RCAN2: variants seen among roughly 807,000 people sequenced by gnomAD.
RCAN2 encodes calcipressin-2.
A neutral mutation model predicts 23.6 loss-of-function variants in RCAN2; 9 were observed. The ratio of observed to expected loss-of-function variants is 0.38; its 90% confidence interval spans 0.23 to 0.67. The LOEUF (loss-of-function observed/expected upper bound fraction) is 0.67, where lower values mean the gene tolerates loss of function less well. RCAN2 is among the 30% of genes least tolerant of loss of function. RCAN2 has a pLI of 0.51. For missense variants in RCAN2, 273 were observed against 302.3 expected, an observed-to-expected ratio of 0.90 and a Z score of 0.72; for synonymous variants, 109 against 115.7, an observed-to-expected ratio of 0.94 and a Z score of 0.37.
intron 1 of RCAN2, among the ~76,000 whole-genome samples, chr6:46,482,393 G>T (rs1266653254): frequency 6.6e-6 from 1 of 152,062 alleles, no homozygotes. Flanking sequence ...ATGAAAACAG[G>T]CTAAAGGTAA....
chr6:46,293,445 C>T (rs1762630122), intron 2 of RCAN2, among the ~76,000 whole-genome samples: 2 of 152,148 alleles, frequency 1.3e-5, no homozygotes, highest in Admixed American at 1.3e-4. Flanking sequence ...GGTAGCCACA[C>T]ACTTTATATA....
At chr6:46,311,916 G>T (rs1763271483) in intron 2 of RCAN2, among the ~76,000 whole-genome samples, 1 of 152,120 alleles carries the variant, frequency 6.6e-6, no homozygotes, top group Non-Finnish European at 1.5e-5. Context: ...GGACCACACA[G>T]GAAAAAGGTG....
intron 2 of RCAN2, among the ~76,000 whole-genome samples, chr6:46,258,263 T>C (rs1766986485): frequency 6.6e-6 from 1 of 152,214 alleles, no homozygotes; most frequent in African/African-American, 2.4e-5. Context: ...GAGGACCTCC[T>C]GGACAGGATG....
intron 2 of RCAN2, among the ~76,000 whole-genome samples, chr6:46,377,120 A>G (rs1376139795): frequency 1.3e-5 from 2 of 152,106 alleles, no homozygotes; most frequent in Non-Finnish European, 2.9e-5. Context: ...CTTAGGATAT[A>G]CCCATGGTTA....
Position 46,290,353 on chromosome 6 carries a change from C to T in RCAN2, c.226-41457G>A, listed in dbSNP as rs558961247. 5.3e-5 allele frequency among the ~76,000 whole-genome samples: 8 copies of T among 152,104 alleles called. No homozygotes were observed. The South Asian group carries it at 1.7e-3, about 32-fold the overall frequency. The stretch of plus-strand genomic sequence containing the variant: ...TATATCTTGTGTATTAAACAATAAA[C>T]AACATCATAAAACAGGGATGAGATA... On this transcript the variant is annotated intron_variant, in intron 2 of 4. Transcript: ENST00000371374.
At chr6:46,249,663 A>T (rs184043072) in intron 2 of RCAN2, among the ~76,000 whole-genome samples, 1 of 151,690 alleles carries the variant, frequency 6.6e-6, no homozygotes, top group East Asian at 1.9e-4. Context: ...TATGGGATCC[A>T]CTCCATCCAG....
chr6:46,261,273 A>G (rs1561832905), intron 2 of RCAN2, among the ~76,000 whole-genome samples: 1 of 152,218 alleles, frequency 6.6e-6, no homozygotes, highest in Non-Finnish European at 1.5e-5. Context: ...AAGAGGCAGT[A>G]TAAAGTTATG....
intron 2 of RCAN2, among the ~76,000 whole-genome samples, chr6:46,365,047 C>A (rs147338599): frequency 0.017 from 2,615 of 152,250 alleles, 54 homozygotes; most frequent in South Asian, 0.12. Context: ...AAAACTGCAG[C>A]CCTAATCGCA....
chr6:46,279,080 T>C (rs1260412161), intron 2 of RCAN2, among the ~76,000 whole-genome samples: 1 of 150,230 alleles, frequency 6.7e-6, no homozygotes, highest in Non-Finnish European at 1.5e-5. Context: ...GTTGGTTTGT[T>C]CTTACCCTTG....
intron 2 of RCAN2, among the ~76,000 whole-genome samples, chr6:46,453,194 C>T (rs1464419695): frequency 6.6e-6 from 1 of 152,142 alleles, no homozygotes; most frequent in African/African-American, 2.4e-5. Flanking sequence ...GAGAAATGTA[C>T]CCTAGTAATT....
chr6:46,292,866 T>C (rs1219522696), intron 2 of RCAN2, among the ~76,000 whole-genome samples: 3 of 152,274 alleles, frequency 2.0e-5, no homozygotes, highest in African/African-American at 7.2e-5. Context: ...ACGCTATCCC[T>C]CCCCTAGCCC....
intron 2 of RCAN2, among the ~76,000 whole-genome samples, chr6:46,313,956 C>T (rs545021828): frequency 1.8e-4 from 27 of 152,312 alleles, no homozygotes; most frequent in Middle Eastern, 3.4e-3. Flanking sequence ...CTATCTTGCT[C>T]ATTAATAATT....
At chr6:46,310,452 A>T (rs1189896405) in intron 2 of RCAN2, among the ~76,000 whole-genome samples, 1 of 152,134 alleles carries the variant, frequency 6.6e-6, no homozygotes, top group Non-Finnish European at 1.5e-5. Flanking sequence ...CTATTCTACA[A>T]CACAAATTAG....
intron 2 of RCAN2, among the ~76,000 whole-genome samples, chr6:46,271,810 T>C (rs540389384): frequency 6.6e-6 from 1 of 152,196 alleles, no homozygotes; most frequent in Admixed American, 6.5e-5. Context: ...AAGAAGTACA[T>C]CTCATGCTGA....
At chr6:46,321,688 G>C (rs1180889312) in intron 2 of RCAN2, among the ~76,000 whole-genome samples, 2 of 152,212 alleles carry the variant, frequency 1.3e-5, no homozygotes, top group East Asian at 3.9e-4. Context: ...GCAGAGTGGT[G>C]GCACTCTGCA....
chr6:46,405,862 T>C (rs1766385365), intron 2 of RCAN2, among the ~76,000 whole-genome samples: 1 of 151,686 alleles, frequency 6.6e-6, no homozygotes, highest in Admixed American at 6.6e-5. Flanking sequence ...GCCCATGGAG[T>C]GGGTGGGAGG....
At chr6:46,457,431 CA>C (rs1768072546) in intron 1 of RCAN2, among the ~76,000 whole-genome samples, 2 of 152,132 alleles carry the variant, frequency 1.3e-5, no homozygotes, top group Non-Finnish European at 1.5e-5. Context: ...AGGAAGAAAG[CA>C]ATTAAGTAAC....
Position 46,221,691 on chromosome 6 carries a change from A to T in RCAN2, c.*1450T>A, listed in dbSNP as rs1475457743. The T allele has an allele frequency of 8.0e-6, 3 of 375,270 alleles. No individual in the cohort carries two copies. In the East Asian group the frequency reaches 1.1e-4, roughly 14 times the overall value. 23.2% of individuals were successfully genotyped at this position (375,270 alleles called of 1,614,324 possible). On this transcript the variant is annotated 3_prime_UTR_variant, in exon 5 of 5. Coordinates refer to ENST00000371374, the MANE Select transcript of RCAN2 (RefSeq NM_001251974.2). The stretch of plus-strand genomic sequence containing the variant: ...TAGTCAAAAACCACAACAATCCCTC[A>T]ATCTGTTTGCTGTGTTATTGTTCTT...
intron 4 of RCAN2, among the ~76,000 whole-genome samples, chr6:46,245,211 A>G (rs370687140): frequency 7.2e-5 from 11 of 152,212 alleles, no homozygotes; most frequent in African/African-American, 2.7e-4. Flanking sequence ...GGTAAAACTT[A>G]TGGCCATTTT....
Sources: gnomAD v4.1 joint callset for allele counts (sites outside exome capture counted in the v4.1 genomes callset) on GRCh38, gnomAD v4.1.1 for gene constraint, MANE v1.5 for transcripts, NCBI Gene and HGNC (gene_info 2026-07-23, HGNC 2026-07-21) for gene names.